Variants in BAALC observed in about 807,000 individuals in gnomAD.
BAALC encodes BAALC binder of MAP3K1 and KLF4, also known as brain and acute leukemia cytoplasmic protein.
BAALC carries 9 observed loss-of-function variants against 15.5 expected under a neutral mutation model. The observed-to-expected ratio is 0.58, with a 90% CI of 0.35 to 1.02. The LOEUF (loss-of-function observed/expected upper bound fraction) is 1.02, where lower values mean the gene tolerates loss of function less well. Among genes scored for constraint, BAALC ranks in the 50% least tolerant of loss-of-function variants. The pLI is 0.02. For missense variants in BAALC, 201 were observed against 192.4 expected (o/e 1.04, Z -0.27); for synonymous variants, 80 against 74.6 (o/e 1.07, Z -0.37).
At chr8:103,195,709 A>G (rs567282019) in intron 1 of BAALC, among the ~76,000 whole-genome samples, 4 of 152,320 alleles carry the variant, frequency 2.6e-5, no homozygotes, top group Admixed American at 2.6e-4. Flanking sequence ...CTGGAATTTC[A>G]GATGTTTGGT....
intron 1 of BAALC, among the ~76,000 whole-genome samples, chr8:103,205,218 ATTTCTGTAC>A (rs1438210554): frequency 6.6e-6 from 1 of 152,068 alleles, no homozygotes; most frequent in Non-Finnish European, 1.5e-5. Flanking sequence ...ACCATTTTTA[ATTTCTGTAC>A]TCTTCCCTCC....
intron 1 of BAALC, among the ~76,000 whole-genome samples, chr8:103,204,033 C>T (rs1812277440): frequency 6.6e-6 from 1 of 152,116 alleles, no homozygotes. Context: ...TTTAGTCTTC[C>T]CACCAGCAGT....
intron 1 of BAALC, among the ~76,000 whole-genome samples, chr8:103,148,932 T>C (rs1044039197): frequency 1.3e-5 from 2 of 152,232 alleles, no homozygotes; most frequent in African/African-American, 4.8e-5. Context: ...ACTATTTGCA[T>C]TTACTATATG....
chr8:103,151,256 A>T (rs1286297914), intron 1 of BAALC, among the ~76,000 whole-genome samples: 2 of 152,058 alleles, frequency 1.3e-5, no homozygotes, highest in African/African-American at 4.8e-5. Flanking sequence ...TGACTTCGTG[A>T]TCTGCCTGCT....
chr8:103,172,866 T>C (rs183166495), intron 1 of BAALC, among the ~76,000 whole-genome samples: 3 of 152,284 alleles, frequency 2.0e-5, no homozygotes, highest in African/African-American at 7.2e-5. Flanking sequence ...GTATATTAAA[T>C]CAGGTAAAGT....
intron 1 of BAALC, among the ~76,000 whole-genome samples, chr8:103,177,833 T>C (rs1235020889): frequency 1.3e-5 from 2 of 152,242 alleles, no homozygotes; most frequent in Non-Finnish European, 2.9e-5. Context: ...TTTATTGTAA[T>C]TTATATGTGC....
intron 1 of BAALC, among the ~76,000 whole-genome samples, chr8:103,193,248 C>A (rs926106376): frequency 2.0e-5 from 3 of 152,250 alleles, no homozygotes; most frequent in African/African-American, 7.2e-5. Flanking sequence ...CCTGATAGAG[C>A]AGCAATCTGC....
intron 1 of BAALC, among the ~76,000 whole-genome samples, chr8:103,207,043 GAGA>G (rs1358939822): frequency 1.3e-5 from 2 of 152,180 alleles, no homozygotes; most frequent in African/African-American, 4.8e-5. Flanking sequence ...CAAGCCTTAG[GAGA>G]AGAAGCCAGG....
At chr8:103,204,452 G>A (rs1416925471) in intron 1 of BAALC, among the ~76,000 whole-genome samples, 1 of 152,004 alleles carries the variant, frequency 6.6e-6, no homozygotes, top group East Asian at 1.9e-4. Context: ...TTTCATTGTT[G>A]TTGCTTGTGC....
chr8:103,205,042 T>C (rs564735760), intron 1 of BAALC, among the ~76,000 whole-genome samples: 3 of 152,202 alleles, frequency 2.0e-5, no homozygotes, highest in African/African-American at 7.2e-5. Flanking sequence ...TCCATATTGA[T>C]TGCCAATGTC....
chr8:103,201,586 ATTC>A (rs1406647965), intron 1 of BAALC, among the ~76,000 whole-genome samples: 9 of 152,196 alleles, frequency 5.9e-5, no homozygotes, highest in Admixed American at 4.6e-4. Context: ...GCCCATTCAA[ATTC>A]TTCTCTTTCT....
At chr8:103,198,220 G>T in intron 1 of BAALC, 1 of 667,008 alleles carries the variant, frequency 1.5e-6, no homozygotes, top group Non-Finnish European at 2.7e-6. Flanking sequence ...ATTCCTATGT[G>T]GTGTTTCTGT....
chr8:103,151,011 A>G (rs1172346624), intron 1 of BAALC, among the ~76,000 whole-genome samples: 1 of 133,446 alleles, frequency 7.5e-6, no homozygotes, highest in East Asian at 2.3e-4. Context: ...GCAATGTTAA[A>G]GAATTTGATT....
chr8:103,223,491 T>C (rs1277985044), intron 2 of BAALC, among the ~76,000 whole-genome samples: 1 of 152,224 alleles, frequency 6.6e-6, no homozygotes, highest in Non-Finnish European at 1.5e-5. Context: ...GCAACATGTC[T>C]TGCTGCAGCT....
chr8:103,228,195 T>C lies in BAALC; in HGVS notation c.*96T>C. Reference sequence around the variant, plus strand: ...CCTTGAAGAAGTGGCTGCCCCTTGCTGGACCTGAATTCTACTGAGTCCCTG... The same window carrying C: ...CCTTGAAGAAGTGGCTGCCCCTTGCCGGACCTGAATTCTACTGAGTCCCTG... On this transcript the variant is annotated 3_prime_UTR_variant, in exon 3 of 3. Coordinates refer to ENST00000309982, the MANE Select transcript of BAALC (RefSeq NM_024812.3). 5 of 830,408 alleles carry C rather than the reference T, an allele frequency of 6.0e-6. No individual in the cohort carries two copies. Among genetic ancestry groups the C allele is most frequent in the Non-Finnish European group, 9.7e-6 (5 of 516,016 alleles). The allele number at this position is 830,408 out of a possible 1,614,324, so 51.4% of individuals were successfully genotyped here.
At position 103,229,659 on chromosome 8, in the gene BAALC, T is replaced by A. The variant is rs1226283872; in HGVS notation, c.*1560T>A. 6.6e-6 allele frequency: 1 copy of A among 152,188 alleles called. No individual in the cohort carries two copies. Among genetic ancestry groups the A allele is most frequent in the Non-Finnish European group, 1.5e-5 (1 of 68,050 alleles). 9.4% of individuals were successfully genotyped at this position (152,188 alleles called of 1,614,324 possible). A position where few individuals can be genotyped will look rare whatever the true frequency, so the allele number is the denominator to read the frequency against. ...ACTGAATTAGACCCTTAAGGTATAG[T>A]GTGTGTTGCAAATCACTCTGCAATG... On this transcript the variant is annotated 3_prime_UTR_variant, in exon 3 of 3. Transcript: ENST00000309982.
At chr8:103,150,700 T>C (rs572973861) in intron 1 of BAALC, among the ~76,000 whole-genome samples, 85 of 152,350 alleles carry the variant, frequency 5.6e-4, no homozygotes, top group African/African-American at 1.8e-3. Flanking sequence ...AGTCTTGGTC[T>C]TTTTCTATGT....
At chr8:103,160,389 G>A (rs1268563863) in intron 1 of BAALC, among the ~76,000 whole-genome samples, 1 of 152,174 alleles carries the variant, frequency 6.6e-6, no homozygotes, top group Non-Finnish European at 1.5e-5. Context: ...GCCCTATGGA[G>A]AGGATGTTTC....
chr8:103,169,869 C>T (rs1408729258), intron 1 of BAALC, among the ~76,000 whole-genome samples: 4 of 152,140 alleles, frequency 2.6e-5, no homozygotes, highest in Non-Finnish European at 2.9e-5. Flanking sequence ...GGGGAGAGGT[C>T]CTTGGGTTCT....
Sources: allele counts gnomAD v4.1 joint callset (sites outside exome capture counted in the v4.1 genomes callset), GRCh38; gene constraint gnomAD v4.1.1; transcripts MANE v1.5; gene names NCBI Gene and HGNC (gene_info 2026-07-23, HGNC 2026-07-21).